Variants in SRRM3 observed in about 807,000 individuals in gnomAD.
SRRM3 encodes the protein serine/arginine repetitive matrix 3.
A neutral mutation model predicts 66.2 loss-of-function variants in SRRM3; 27 were observed. The ratio of observed to expected loss-of-function variants is 0.41; its 90% CI spans 0.30 to 0.56. The LOEUF (loss-of-function observed/expected upper bound fraction) is 0.56, where lower values mean the gene tolerates loss of function less well. SRRM3 is among the 20% of genes least tolerant of loss of function. SRRM3 has a pLI of 0.32. For missense variants in SRRM3, 918 were observed against 991.9 expected (o/e 0.93, Z 1.00); for synonymous variants, 391 against 414.9 (o/e 0.94, Z 0.70).
At chr7:76,238,227 TGA>T (rs1801195458) in intron 2 of SRRM3, among the ~76,000 whole-genome samples, 2 of 152,340 alleles carry the variant, frequency 1.3e-5, no homozygotes, top group Admixed American at 6.5e-5. Context: ...GGAGCTGTTC[TGA>T]GAGTCCTCCG....
intron 1 of SRRM3, among the ~76,000 whole-genome samples, chr7:76,210,757 TA>T (rs1315073328): frequency 4.6e-5 from 7 of 151,426 alleles, no homozygotes; most frequent in Non-Finnish European, 1.0e-4. Flanking sequence ...ATCCCGTCTC[TA>T]AAAAAATGGG....
chr7:76,285,367 A>C lies in SRRM3; in HGVS notation c.1734-248A>C, dbSNP rs563215940. ...GCGTGAGCCACCGCGCCCAGCCTCA[A>C]CAAGTATTTATTAGCAGGTGTTCGG... On this transcript the variant is annotated intron_variant, in intron 14 of 14. Coordinates refer to ENST00000611745, the MANE Select transcript of SRRM3 (RefSeq NM_001110199.3). This position sits in a 1 kb window ranked among gnomAD's most constrained non-coding sequence, Gnocchi z 4.1. The C allele has an allele frequency of 2.2e-4, 115 of 532,884 alleles. No homozygotes were observed. In the East Asian group the frequency reaches 3.7e-3, roughly 17 times the overall value. The allele number at this position is 532,884 out of a possible 1,614,324, so 33.0% of individuals were successfully genotyped here. A position where few individuals can be genotyped will look rare whatever the true frequency, so the allele number is the denominator to read the frequency against.
At chr7:76,253,689 G>C (rs193012442) in intron 3 of SRRM3, among the ~76,000 whole-genome samples, 1 of 150,864 alleles carries the variant, frequency 6.6e-6, no homozygotes. Context: ...GTTGGCACAG[G>C]CCTGTCATCC....
Position 76,237,080 on chromosome 7 carries a change from A to G in SRRM3, c.233+1781A>G, listed in dbSNP as rs1554605047. ...CAGGAGATCGAGACCAGCCTTGCCA[A>G]CATGGTGAAACCCCATCTCTACTAG... On this transcript the variant is annotated intron_variant, in intron 2 of 14. Coordinates refer to ENST00000611745, the MANE Select transcript of SRRM3 (RefSeq NM_001110199.3). Among the ~76,000 whole-genome samples the G allele has an allele frequency of 2.0e-5, 3 of 152,234 alleles. No individual in the cohort carries two copies. In the East Asian group the frequency reaches 5.8e-4, roughly 29 times the overall value.
chr7:76,262,872 G>A (rs1801917672), intron 8 of SRRM3, among the ~76,000 whole-genome samples: 1 of 152,018 alleles, frequency 6.6e-6, no homozygotes, highest in African/African-American at 2.4e-5. Context: ...AAGGGAAAAG[G>A]GAAAGGAGAG....
At chr7:76,231,800 C>T (rs567481243) in intron 1 of SRRM3, among the ~76,000 whole-genome samples, 1 of 152,274 alleles carries the variant, frequency 6.6e-6, no homozygotes, top group East Asian at 1.9e-4. Flanking sequence ...CCTGGAAGAG[C>T]GGAAGATTCC....
chr7:76,277,352 G>T (rs1225269203), intron 11 of SRRM3, among the ~76,000 whole-genome samples: 1 of 152,168 alleles, frequency 6.6e-6, no homozygotes, highest in Non-Finnish European at 1.5e-5. Flanking sequence ...ACCCATCACG[G>T]CCTGTGGTCT....
At chr7:76,225,828 G>A (rs929966993) in intron 1 of SRRM3, among the ~76,000 whole-genome samples, 3 of 152,154 alleles carry the variant, frequency 2.0e-5, no homozygotes, top group African/African-American at 7.2e-5. Flanking sequence ...AACCTATGAG[G>A]AAGATGCTAT....
chr7:76,267,769 T>G, intron 11 of SRRM3: 1 of 260,304 alleles, frequency 3.8e-6, no homozygotes. Flanking sequence ...TCTCGTGCCC[T>G]CCCCAGGCAT....
intron 1 of SRRM3, among the ~76,000 whole-genome samples, chr7:76,223,031 A>C (rs996247018): frequency 6.6e-6 from 1 of 152,038 alleles, no homozygotes; most frequent in African/African-American, 2.4e-5. Flanking sequence ...CTTATGCTTC[A>C]AGATCTCTCC....
intron 2 of SRRM3, among the ~76,000 whole-genome samples, chr7:76,244,878 T>C (rs1467322180): frequency 6.6e-6 from 1 of 152,230 alleles, no homozygotes; most frequent in Admixed American, 6.5e-5. Context: ...AGTCACTCAT[T>C]TAGCACACAT....
chr7:76,261,490 G>A (rs1801868464), intron 7 of SRRM3, 56 bp from the exon 8 acceptor site: 1 of 1,602,194 alleles, frequency 6.2e-7, no homozygotes, highest in East Asian at 2.3e-5. Context: ...GCCCTCCATA[G>A]GTCTCCCCTG....
Position 76,285,694 on chromosome 7 carries a change from C to G in SRRM3, c.1813C>G (p.Arg605Gly), listed in dbSNP as rs1040704308. 6 of 1,550,976 alleles carry G rather than the reference C, an allele frequency of 3.9e-6. No homozygotes were observed. Among genetic ancestry groups the G allele is most frequent in the South Asian group, 2.4e-5 (2 of 84,052 alleles). Residue 605 changes from arginine to glycine, a missense_variant, in exon 15 of 15, where the codon CGG becomes GGG. Transcript: ENST00000611745. The surrounding 1 kb of genome is among the most constrained non-coding windows in gnomAD (Gnocchi z 4.1). ...CTGCTTGAGCAGCGACTACTCGACC[C>G]GGAGCCACAGCCGCAGCCCCAGCCC... ...SSCLSSDYST[R>G]SHSRSPSPGH...
rs192050313 is a variant in SRRM3, at chr7:76,217,817, G to T, written c.-40+15750G>T. Among the ~76,000 whole-genome samples the T allele has an allele frequency of 5.3e-5, 8 of 152,250 alleles. No individual in the cohort carries two copies. The South Asian group carries it at 1.7e-3, about 32-fold the overall frequency. On this transcript the variant is annotated intron_variant, in intron 1 of 14. Coordinates refer to ENST00000611745, the MANE Select transcript of SRRM3 (RefSeq NM_001110199.3). The stretch of plus-strand genomic sequence containing the variant: ...TTGCATTTTCTCCCAGCAGAATATC[G>T]TAAGAGGAAGGCTGTTTCTTCAGTC...
In SRRM3 at chr7:76,282,947, T is replaced by C; in HGVS notation, c.1596-17T>C. On this transcript the variant is annotated splice_polypyrimidine_tract_variant and intron_variant, in intron 13 of 14. Transcript: ENST00000611745. ...GGCCGGGCCGCGTCGCTCACTTACCTCGCGCCGGCCCCGCAGGGACAAGGA... is the reference window on the plus strand; with the variant it reads ...GGCCGGGCCGCGTCGCTCACTTACCCCGCGCCGGCCCCGCAGGGACAAGGA... The C allele has an allele frequency of 1.5e-6, 2 of 1,328,190 alleles. No homozygotes were observed. The highest frequency in any genetic ancestry group is 1.9e-6 in the Non-Finnish European group (2 of 1,044,678). The allele number at this position is 1,328,190 out of a possible 1,614,324, so 82.3% of individuals were successfully genotyped here.
chr7:76,281,912 A>G (rs1802523022), intron 12 of SRRM3, 110 bp downstream of exon 12: 1 of 811,532 alleles, frequency 1.2e-6, no homozygotes, highest in Non-Finnish European at 1.4e-6. Context: ...GCTACCCTCC[A>G]GGGATCCCAA....
At chr7:76,281,330 CTCTT>C (rs1802498519) in intron 11 of SRRM3, 107 bp from the exon 12 acceptor site, 12 of 763,278 alleles carry the variant, frequency 1.6e-5, no homozygotes, top group Middle Eastern at 4.7e-4. Context: ...CTGTCTCTGT[CTCTT>C]TCTTTCAATC....
intron 1 of SRRM3, among the ~76,000 whole-genome samples, chr7:76,212,073 T>TG (rs1800447109): frequency 6.6e-6 from 1 of 151,308 alleles, no homozygotes; most frequent in African/African-American, 2.4e-5. Flanking sequence ...AGGCTGGTCT[T>TG]GAACTCCTGG....
At chr7:76,264,673 T>C (rs781851662) in intron 8 of SRRM3, 92 bp from the exon 9 acceptor site, 44 of 1,376,840 alleles carry the variant, frequency 3.2e-5, no homozygotes, top group Admixed American at 2.0e-4. Context: ...GGAACAAATC[T>C]CAGATCCACA....
Sources: allele counts gnomAD v4.1 joint callset (sites outside exome capture counted in the v4.1 genomes callset), GRCh38; gene constraint gnomAD v4.1.1; non-coding constraint Gnocchi (gnomAD v3.1); transcripts MANE v1.5; gene names NCBI Gene and HGNC (gene_info 2026-07-23, HGNC 2026-07-21).